Variants in NPAS3 observed in about 807,000 individuals in gnomAD.
NPAS3 encodes the protein neuronal PAS domain protein 3, also known as neuronal PAS domain-containing protein 3.
Under a neutral mutation model 73.1 loss-of-function variants are expected in NPAS3, and 14 were observed. That is an observed-to-expected ratio of 0.19 (90% CI 0.13 to 0.30). NPAS3 has a LOEUF of 0.30. NPAS3 is among the 10% of genes least tolerant of loss of function. NPAS3 has a pLI of 1.00. For synonymous variants in NPAS3, 620 were observed against 541.5 expected, an observed-to-expected ratio of 1.14 and a Z score of -2.01; for missense variants, 1,096 against 1,250.0, an observed-to-expected ratio of 0.88 and a Z score of 1.86.
At chr14:32,934,980 G>A, upstream of NPAS3, 3 of 1,333,762 alleles carry the variant, frequency 2.2e-6, no homozygotes, top group East Asian at 3.2e-5. The surrounding 1 kb of genome is among the most constrained non-coding windows in gnomAD (Gnocchi z 4.1). Flanking sequence ...AGAACGTCCA[G>A]GGCATCACCT....
In NPAS3 at chr14:33,419,892, C is replaced by T. The variant is rs180778586; in HGVS notation, c.468+52624C>T. On this transcript the variant is annotated intron_variant, in intron 4 of 11. Transcript: ENST00000356141. ...GAGCAATTGATACCCAAGTGGAGCC[C>T]GTTCAGAGTGACAGAATATACTAAG... 2.8e-3 allele frequency among the ~76,000 whole-genome samples: 433 copies of T among 151,940 alleles called. 6 individuals carry two copies. Among genetic ancestry groups the T allele is most frequent in the Non-Finnish European group, 1.3e-3 (86 of 67,898 alleles).
chr14:33,256,023 C>T (rs2048767876), intron 3 of NPAS3, among the ~76,000 whole-genome samples: 1 of 152,082 alleles, frequency 6.6e-6, no homozygotes, highest in Non-Finnish European at 1.5e-5. Flanking sequence ...TTTAAAATTA[C>T]TCATAAAAAA....
intron 2 of NPAS3, among the ~76,000 whole-genome samples, chr14:33,107,774 T>C (rs2042768585): frequency 6.6e-6 from 1 of 152,174 alleles, no homozygotes; most frequent in African/African-American, 2.4e-5. Flanking sequence ...GCTAATTGGC[T>C]TCCCATTTTA....
chr14:32,942,203 G>A (rs775178070), intron 1 of NPAS3, among the ~76,000 whole-genome samples: 1 of 152,134 alleles, frequency 6.6e-6, no homozygotes, highest in African/African-American at 2.4e-5. Context: ...TTTCACAGAG[G>A]CATTTATGGA....
intron 3 of NPAS3, among the ~76,000 whole-genome samples, chr14:33,270,849 T>G (rs1413303280): frequency 6.6e-6 from 1 of 152,158 alleles, no homozygotes; most frequent in African/African-American, 2.4e-5. Flanking sequence ...TGAACACCTT[T>G]CTGGATGGAT....
chr14:33,084,294 G>T (rs557876737), intron 2 of NPAS3, among the ~76,000 whole-genome samples: 1 of 152,252 alleles, frequency 6.6e-6, no homozygotes, highest in African/African-American at 2.4e-5. Flanking sequence ...TCAGCATTTT[G>T]TCCACTATAT....
At chr14:33,559,891 T>C (rs959674179) in intron 4 of NPAS3, among the ~76,000 whole-genome samples, 6 of 151,706 alleles carry the variant, frequency 4.0e-5, no homozygotes, top group Non-Finnish European at 7.4e-5. Context: ...TGGTGGCACA[T>C]GCCTGTAGTC....
At chr14:33,245,406 C>A (rs1028717260) in intron 3 of NPAS3, among the ~76,000 whole-genome samples, 2 of 152,166 alleles carry the variant, frequency 1.3e-5, no homozygotes, top group African/African-American at 4.8e-5. Context: ...ATCTCCAGAT[C>A]CAAAGCCCTT....
chr14:33,594,316 T>C (rs1595233496), intron 5 of NPAS3, among the ~76,000 whole-genome samples: 2 of 152,314 alleles, frequency 1.3e-5, no homozygotes, highest in South Asian at 2.1e-4. Context: ...AATTGTTTTT[T>C]CCCCAAATAT....
chr14:33,695,828 A>G (rs1329479553), intron 6 of NPAS3, among the ~76,000 whole-genome samples: 1 of 152,200 alleles, frequency 6.6e-6, no homozygotes, highest in African/African-American at 2.4e-5. Context: ...AAAATGACCT[A>G]AAACTTTAGC....
chr14:33,775,398 T>C (rs2062781630), intron 8 of NPAS3, among the ~76,000 whole-genome samples: 1 of 152,156 alleles, frequency 6.6e-6, no homozygotes, highest in South Asian at 2.1e-4. Flanking sequence ...TTGTCAGGCT[T>C]ATTCACTGAG....
At chr14:33,176,270 C>G (rs2045586843) in intron 2 of NPAS3, among the ~76,000 whole-genome samples, 1 of 152,192 alleles carries the variant, frequency 6.6e-6, no homozygotes, top group Non-Finnish European at 1.5e-5. Context: ...TATACAGTGG[C>G]AATAACTACA....
chr14:33,290,467 A>G (rs1272862136), intron 3 of NPAS3, among the ~76,000 whole-genome samples: 1 of 152,226 alleles, frequency 6.6e-6, no homozygotes, highest in Non-Finnish European at 1.5e-5. Context: ...TGGGATGAAT[A>G]GCATATTTAT....
intron 2 of NPAS3, among the ~76,000 whole-genome samples, chr14:33,064,555 C>T (rs756513164): frequency 2.9e-4 from 44 of 152,112 alleles, no homozygotes; most frequent in Admixed American, 4.6e-4. Flanking sequence ...TCACCAGGCC[C>T]AATGTCATGT....
At chr14:33,194,213 G>T (rs906830458) in intron 2 of NPAS3, among the ~76,000 whole-genome samples, 1 of 152,094 alleles carries the variant, frequency 6.6e-6, no homozygotes, top group Non-Finnish European at 1.5e-5. Context: ...ACATATGATT[G>T]TATCCTTTCT....
intron 3 of NPAS3, among the ~76,000 whole-genome samples, chr14:33,251,546 C>T (rs2048585500): frequency 6.6e-6 from 1 of 152,004 alleles, no homozygotes; most frequent in Non-Finnish European, 1.5e-5. Flanking sequence ...ATGTGTCGTT[C>T]ATCTGCGTCC....
chr14:33,557,545 A>G (rs1346604713), intron 4 of NPAS3, among the ~76,000 whole-genome samples: 1 of 152,216 alleles, frequency 6.6e-6, no homozygotes, highest in Non-Finnish European at 1.5e-5. Flanking sequence ...CAATTAGAGA[A>G]TCTTTATTTT....
At chr14:33,692,927 T>C (rs1026019141) in intron 6 of NPAS3, among the ~76,000 whole-genome samples, 3 of 146,798 alleles carry the variant, frequency 2.0e-5, no homozygotes, top group African/African-American at 7.5e-5. Context: ...GAATAACAAC[T>C]GAACTTGTAG....
chr14:33,114,842 A>G (rs1183085163), intron 2 of NPAS3, among the ~76,000 whole-genome samples: 1 of 152,184 alleles, frequency 6.6e-6, no homozygotes. Context: ...AATATGCAAT[A>G]TATAGAGAGT....
Sources: gnomAD v4.1 joint callset for allele counts (sites outside exome capture counted in the v4.1 genomes callset) on GRCh38, gnomAD v4.1.1 for gene constraint, Gnocchi (gnomAD v3.1) non-coding constraint, MANE v1.5 for transcripts, NCBI Gene and HGNC (gene_info 2026-07-23, HGNC 2026-07-21) for gene names.